Variants in HAPLN3 observed in about 807,000 individuals in gnomAD.
The protein encoded by HAPLN3 is extracellular link domain containing, 1.
A neutral mutation model predicts 28.1 loss-of-function variants in HAPLN3; 28 were observed. The ratio of observed to expected loss-of-function variants is 1.00; its 90% CI spans 0.74 to 1.37. The LOEUF is 1.37. Ranked by LOEUF, HAPLN3 falls within the 40% of genes most tolerant of loss-of-function variation. The pLI is 0.00. For synonymous variants in HAPLN3, 211 were observed against 213.1 expected (o/e 0.99, Z 0.09); for missense variants, 513 against 504.6 (o/e 1.02, Z -0.16).
chr15:88,889,804 T>A (rs1457123158), intron 1 of HAPLN3, among the ~76,000 whole-genome samples: 1 of 152,234 alleles, frequency 6.6e-6, no homozygotes, highest in Non-Finnish European at 1.5e-5. Context: ...ATGATTATCA[T>A]GTAGCAACGT....
chr15:88,890,272 G>A (rs938584034), intron 1 of HAPLN3, among the ~76,000 whole-genome samples: 6 of 152,158 alleles, frequency 3.9e-5, no homozygotes, highest in Non-Finnish European at 8.8e-5. Flanking sequence ...ACTGCAGCCA[G>A]GACACTACCA....
chr15:88,882,149 C>T (rs937159434), intron 2 of HAPLN3, among the ~76,000 whole-genome samples: 3 of 152,172 alleles, frequency 2.0e-5, no homozygotes, highest in African/African-American at 7.2e-5. Context: ...CTGAGGCCAT[C>T]CTACAGCAAC....
At chr15:88,882,889 C>A (rs547033005) in intron 2 of HAPLN3, among the ~76,000 whole-genome samples, 16 of 152,190 alleles carry the variant, frequency 1.1e-4, no homozygotes, top group African/African-American at 3.6e-4. Context: ...GCTTGTGGTC[C>A]CAGCTACTCG....
chr15:88,878,431 C>A (rs1897597005), intron 4 of HAPLN3, among the ~76,000 whole-genome samples, 175 bp from the exon 5 acceptor site: 1 of 152,204 alleles, frequency 6.6e-6, no homozygotes, highest in Admixed American at 6.5e-5. Context: ...CTCTGTCCCA[C>A]CTGCCATAGA....
chr15:88,883,866 C>T (rs1235330217), intron 2 of HAPLN3, among the ~76,000 whole-genome samples: 1 of 151,240 alleles, frequency 6.6e-6, no homozygotes, highest in African/African-American at 2.4e-5. Context: ...TCACTTGAGG[C>T]CACGAGTTCG....
Position 88,879,616 on chromosome 15 carries a change from C to T in HAPLN3, c.494-347G>A. On this transcript the variant is annotated intron_variant, in intron 3 of 4. Coordinates refer to ENST00000359595, the MANE Select transcript of HAPLN3 (RefSeq NM_178232.4). The surrounding 1 kb of genome is among the most constrained non-coding windows in gnomAD (Gnocchi z 5.0). ...AGGCCCGGGCTTTGGGCTCTAGGGG[C>T]CAGGTTTGACTCCCAGCTCCCCACT... The T allele has an allele frequency of 7.9e-7, 1 of 1,265,574 alleles. No individual in the cohort carries two copies. Among genetic ancestry groups the T allele is most frequent in the Non-Finnish European group, 1.0e-6 (1 of 991,718 alleles). The allele number at this position is 1,265,574 out of a possible 1,614,324, so 78.4% of individuals were successfully genotyped here. A position where few individuals can be genotyped will look rare whatever the true frequency, so the allele number is the denominator to read the frequency against.
chr15:88,886,731 A>G (rs942701689), intron 2 of HAPLN3, among the ~76,000 whole-genome samples: 4 of 152,200 alleles, frequency 2.6e-5, no homozygotes, highest in African/African-American at 9.6e-5. Context: ...AGGCCGAGGC[A>G]GGAGAATCGC....
In HAPLN3 at chr15:88,880,651, G is replaced by C. The variant is rs1277596133; in HGVS notation, c.493+706C>G. The C allele has an allele frequency of 2.4e-6, 3 of 1,258,384 alleles. No homozygotes were observed. The highest frequency in any genetic ancestry group is 3.1e-6 in the Non-Finnish European group (3 of 962,038). The allele number at this position is 1,258,384 out of a possible 1,614,324, so 78.0% of individuals were successfully genotyped here. Reference sequence around the variant, plus strand: ...GTAAATACAAATTAAAGATCAAACAGGGACCCCACATACAAGATCCGGCTT... The same window carrying C: ...GTAAATACAAATTAAAGATCAAACACGGACCCCACATACAAGATCCGGCTT... On this transcript the variant is annotated intron_variant, in intron 3 of 4. Coordinates refer to ENST00000359595, the MANE Select transcript of HAPLN3 (RefSeq NM_178232.4). This position sits in a 1 kb window ranked among gnomAD's most constrained non-coding sequence, Gnocchi z 6.0.
chr15:88,885,085 A>G (rs1372457101), intron 2 of HAPLN3, among the ~76,000 whole-genome samples: 1 of 152,288 alleles, frequency 6.6e-6, no homozygotes, highest in Non-Finnish European at 1.5e-5. Context: ...GAGACTAATC[A>G]AAAGAGGGAA....
At chr15:88,894,713 C>A (rs889033916) in intron 1 of HAPLN3, among the ~76,000 whole-genome samples, 2 of 152,226 alleles carry the variant, frequency 1.3e-5, no homozygotes. Flanking sequence ...AACAGGTTTA[C>A]AGGCTGCCTG....
chr15:88,885,656 C>G (rs1368140018), intron 2 of HAPLN3, among the ~76,000 whole-genome samples: 1 of 152,122 alleles, frequency 6.6e-6, no homozygotes, highest in Non-Finnish European at 1.5e-5. Context: ...AGGATTTCAC[C>G]AGGTTGGTCA....
rs1242254161 is a variant in HAPLN3, at chr15:88,888,211, C to G, written c.-47-866G>C. Among the ~76,000 whole-genome samples, 1 of 151,416 alleles carries G rather than the reference C, an allele frequency of 6.6e-6. No homozygotes were observed. Among genetic ancestry groups the G allele is most frequent in the Admixed American group, 6.6e-5 (1 of 15,212 alleles). On this transcript the variant is annotated intron_variant, in intron 1 of 4. Coordinates refer to ENST00000359595, the MANE Select transcript of HAPLN3 (RefSeq NM_178232.4). This position sits in a 1 kb window ranked among gnomAD's most constrained non-coding sequence, Gnocchi z 4.1. The stretch of plus-strand genomic sequence containing the variant: ...GGTTCAAGAAATTCTCCTGCCTCAG[C>G]CTCCCGAGTAGCTGGGACTACAGGT...
At chr15:88,890,177 T>G (rs1897975054) in intron 1 of HAPLN3, among the ~76,000 whole-genome samples, 1 of 152,028 alleles carries the variant, frequency 6.6e-6, no homozygotes. Flanking sequence ...AGAGAATGGA[T>G]GTAAAGAAAG....
In HAPLN3 at chr15:88,895,168, G is replaced by C. The variant is rs565490644; in HGVS notation, c.-48+291C>G. Among the ~76,000 whole-genome samples the C allele has an allele frequency of 2.8e-4, 42 of 152,326 alleles. No individual in the cohort carries two copies. Among genetic ancestry groups the C allele is most frequent in the Middle Eastern group, 3.4e-3 (1 of 292 alleles). The stretch of plus-strand genomic sequence containing the variant: ...GGCAGGAAGGGGGCTGGAGGCGGAC[G>C]GTGGTCTCGGAGGCCACGGGGTCCG... On this transcript the variant is annotated intron_variant, in intron 1 of 4. Coordinates refer to ENST00000359595, the MANE Select transcript of HAPLN3 (RefSeq NM_178232.4). The surrounding 1 kb of genome is among the most constrained non-coding windows in gnomAD (Gnocchi z 5.5).
rs1475323846 is a variant in HAPLN3, at chr15:88,881,790, C to A, written c.125-65G>T. 3 of 1,522,868 alleles carry A rather than the reference C, an allele frequency of 2.0e-6. No individual in the cohort carries two copies. Among genetic ancestry groups the A allele is most frequent in the Non-Finnish European group, 2.7e-6 (3 of 1,131,766 alleles). The allele number at this position is 1,522,868 out of a possible 1,614,324, so 94.3% of individuals were successfully genotyped here. ...CACATCTGTACCCCTGCAAGGGCCA[C>A]CGCACACCCTCATCCACGGCTCCTA... On this transcript the variant is annotated intron_variant, in intron 2 of 4. Coordinates refer to ENST00000359595, the MANE Select transcript of HAPLN3 (RefSeq NM_178232.4). The surrounding 1 kb of genome is among the most constrained non-coding windows in gnomAD (Gnocchi z 6.0).
intron 1 of HAPLN3, among the ~76,000 whole-genome samples, chr15:88,889,024 G>A (rs1370080147): frequency 6.6e-6 from 1 of 152,192 alleles, no homozygotes; most frequent in African/African-American, 2.4e-5. Flanking sequence ...TGAGCCAATG[G>A]GAGGCACTCA....
chr15:88,884,954 C>T (rs1050568969), intron 2 of HAPLN3, among the ~76,000 whole-genome samples: 1 of 152,196 alleles, frequency 6.6e-6, no homozygotes, highest in African/African-American at 2.4e-5. Flanking sequence ...CAGTCCTATC[C>T]GCACCTCGAT....
intron 2 of HAPLN3, among the ~76,000 whole-genome samples, chr15:88,886,702 G>C (rs955813888): frequency 6.6e-6 from 1 of 152,058 alleles, no homozygotes; most frequent in African/African-American, 2.4e-5. Flanking sequence ...GCACATGCTT[G>C]TAATCCCAGC....
At position 88,880,042 on chromosome 15, in the gene HAPLN3, C is replaced by A. The variant is rs1897654710; in HGVS notation, c.494-773G>T. The A allele has an allele frequency of 3.0e-6, 3 of 993,574 alleles. No individual in the cohort carries two copies. Among genetic ancestry groups the A allele is most frequent in the African/African-American group, 1.7e-5 (1 of 57,420 alleles). The allele number at this position is 993,574 out of a possible 1,614,324, so 61.5% of individuals were successfully genotyped here. A position where few individuals can be genotyped will look rare whatever the true frequency, so the allele number is the denominator to read the frequency against. Reference sequence around the variant, plus strand: ...GCCAAGGACCCAGGAACAGCCTGAGCCCCAAACCTCCGATCTCACCAGGGC... The same window carrying A: ...GCCAAGGACCCAGGAACAGCCTGAGACCCAAACCTCCGATCTCACCAGGGC... On this transcript the variant is annotated intron_variant, in intron 3 of 4. Coordinates refer to ENST00000359595, the MANE Select transcript of HAPLN3 (RefSeq NM_178232.4). This position sits in a 1 kb window ranked among gnomAD's most constrained non-coding sequence, Gnocchi z 6.0.
Sources: gnomAD v4.1 joint callset for allele counts (sites outside exome capture counted in the v4.1 genomes callset) on GRCh38, gnomAD v4.1.1 for gene constraint, Gnocchi (gnomAD v3.1) non-coding constraint, MANE v1.5 for transcripts, NCBI Gene and HGNC (gene_info 2026-07-23, HGNC 2026-07-21) for gene names.